PRSS54: variants seen among roughly 807,000 people sequenced by gnomAD.
The protein encoded by PRSS54 is serine protease 54, also known as inactive serine protease 54.
Under a neutral mutation model 19.9 loss-of-function variants are expected in PRSS54, and 16 were observed. The ratio of observed to expected loss-of-function variants is 0.80; its 90% CI spans 0.54 to 1.22. The LOEUF (loss-of-function observed/expected upper bound fraction) is 1.22, where lower values mean the gene tolerates loss of function less well. Ranked by LOEUF, PRSS54 falls within the 50% of genes most tolerant of loss-of-function variation. The pLI, the probability that PRSS54 is intolerant of heterozygous loss-of-function variation, is 0.00. For missense variants in PRSS54, 444 were observed against 494.8 expected (o/e 0.90, Z 0.97); for synonymous variants, 177 against 195.8 (o/e 0.90, Z 0.80).
chr16:58,294,466 T>C (rs1965104172), intron 1 of PRSS54, among the ~76,000 whole-genome samples: 1 of 152,238 alleles, frequency 6.6e-6, no homozygotes, highest in Admixed American at 6.5e-5. Context: ...TTTTCCTGCC[T>C]CAGCTTCCTG....
chr16:58,290,906 C>A, intron 4 of PRSS54, 53 bp downstream of exon 4: 1 of 1,591,288 alleles, frequency 6.3e-7, no homozygotes, highest in Non-Finnish European at 8.6e-7. Flanking sequence ...AACAGGGTCG[C>A]CCCCACCCTC....
chr16:58,290,472 T>C (rs1596908033), intron 4 of PRSS54, among the ~76,000 whole-genome samples: 4 of 152,226 alleles, frequency 2.6e-5, no homozygotes, highest in South Asian at 2.1e-4. Flanking sequence ...ACAGAGAAGC[T>C]AAAAGAAGAA....
intron 3 of PRSS54, among the ~76,000 whole-genome samples, chr16:58,291,973 G>A (rs1438647651): frequency 4.0e-5 from 6 of 151,812 alleles, no homozygotes; most frequent in Non-Finnish European, 4.4e-5. Context: ...TCTGTCGCCC[G>A]GCTGGAGTGC....
At chr16:58,282,442 T>C (rs945634032) in intron 6 of PRSS54, 4 of 152,250 alleles carry the variant, frequency 2.6e-5, no homozygotes, top group Non-Finnish European at 4.4e-5. Context: ...AGTGGGGTAT[T>C]CTCTTTCAAT....
At chr16:58,293,524 C>T in intron 3 of PRSS54, 1 of 985,198 alleles carries the variant, frequency 1.0e-6, no homozygotes, top group African/African-American at 1.7e-5. Context: ...TAAGGATTGG[C>T]CCTGACTTTA....
intron 3 of PRSS54, among the ~76,000 whole-genome samples, chr16:58,292,409 G>A (rs1049401034): frequency 1.3e-5 from 2 of 152,114 alleles, no homozygotes; most frequent in Admixed American, 1.3e-4. Context: ...GAGGGGTCAC[G>A]AATTCTGCCC....
At chr16:58,290,737 A>C (rs1965018394) in intron 4 of PRSS54, among the ~76,000 whole-genome samples, 1 of 152,238 alleles carries the variant, frequency 6.6e-6, no homozygotes, top group African/African-American at 2.4e-5. Flanking sequence ...TGGAGGACTC[A>C]TCATTGCATT....
At chr16:58,291,250 T>C (rs1965034485) in intron 3 of PRSS54, 114 bp from the exon 4 acceptor site, 1 of 962,070 alleles carries the variant, frequency 1.0e-6, no homozygotes, top group Non-Finnish European at 1.5e-6. Flanking sequence ...CTTTTCTTTC[T>C]TTTGCCTAGT....
Position 58,291,000 on chromosome 16 carries a change from G to A in PRSS54, c.222C>T (p.Ser74=), listed in dbSNP as rs780272669. 3 of 1,614,230 alleles carry A rather than the reference G, an allele frequency of 1.9e-6. No individual in the cohort carries two copies. The highest frequency in any genetic ancestry group is 1.1e-5 in the South Asian group (1 of 91,088). ...YTHLAFGCIL[S]EFWVLSIASA... Reference sequence around the variant, plus strand: ...ATGCGATGCTGAGGACCCAGAACTCGCTCAGGATGCAGCCGAAAGCCAGGT... The same window carrying A: ...ATGCGATGCTGAGGACCCAGAACTCACTCAGGATGCAGCCGAAAGCCAGGT... Residue 74 remains serine (S), a synonymous_variant, in exon 4 of 7, where the codon AGC becomes AGT. Coordinates refer to ENST00000567164, the MANE Select transcript of PRSS54 (RefSeq NM_001305173.2).
intron 5 of PRSS54, among the ~76,000 whole-genome samples, 184 bp from the exon 6 acceptor site, chr16:58,284,905 T>C (rs1229301866): frequency 6.6e-6 from 1 of 151,948 alleles, no homozygotes; most frequent in Non-Finnish European, 1.5e-5. Flanking sequence ...ACTTCTGCCT[T>C]TCGGGTTCAA....
Position 58,284,652 on chromosome 16 carries a change from A to G in PRSS54, c.592T>C (p.Tyr198His), listed in dbSNP as rs147993353. 7 of 1,613,900 alleles carry G rather than the reference A, an allele frequency of 4.3e-6. No individual in the cohort carries two copies. The African/African-American group carries it at 5.3e-5, about 12-fold the overall frequency. The change falls in exon 6 of 7, where the codon TAC becomes CAC. Residue 198 changes from tyrosine to histidine, a missense_variant. Coordinates refer to ENST00000567164, the MANE Select transcript of PRSS54 (RefSeq NM_001305173.2). ...CCGCATTCTGTCTTCTGGAGTTTGT[A>G]TAGGGGACACATGTCAAGATCTTTC... ...FVKDLDMCPLYKLQKTECGSH... is the reference protein window; with the variant it reads ...FVKDLDMCPLHKLQKTECGSH...
chr16:58,291,504 C>G (rs1291812308), intron 3 of PRSS54, among the ~76,000 whole-genome samples: 2 of 151,818 alleles, frequency 1.3e-5, no homozygotes, highest in Non-Finnish European at 2.9e-5. Flanking sequence ...TTTTTTGAGA[C>G]AGGATCTCAC....
At chr16:58,284,787 TC>T (rs1429893755) in intron 5 of PRSS54, 66 bp from the exon 6 acceptor site, 3 of 1,577,778 alleles carry the variant, frequency 1.9e-6, no homozygotes, top group Non-Finnish European at 2.6e-6. Flanking sequence ...TCAACACAAC[TC>T]CCACTCATAT....
intron 2 of PRSS54, 65 bp downstream of exon 2, chr16:58,293,920 C>T: frequency 2.0e-6 from 2 of 1,003,892 alleles, no homozygotes; most frequent in Non-Finnish European, 3.0e-6. Flanking sequence ...ACACATGTTC[C>T]CTCCCAAACA....
chr16:58,289,303 A>C (rs1315748878), intron 4 of PRSS54, among the ~76,000 whole-genome samples: 2 of 152,212 alleles, frequency 1.3e-5, no homozygotes, highest in Non-Finnish European at 2.9e-5. Flanking sequence ...TCTGTTGTTT[A>C]AGCCACCCAG....
At chr16:58,291,684 A>G (rs939187937) in intron 3 of PRSS54, among the ~76,000 whole-genome samples, 4 of 151,942 alleles carry the variant, frequency 2.6e-5, no homozygotes, top group Admixed American at 2.6e-4. Context: ...AGGTCTTGCT[A>G]TGTTCCCAGG....
At chr16:58,291,600 G>C (rs1157845964) in intron 3 of PRSS54, among the ~76,000 whole-genome samples, 2 of 152,070 alleles carry the variant, frequency 1.3e-5, no homozygotes, top group African/African-American at 4.8e-5. Context: ...TCCTGCCTCA[G>C]CCTCTGGAGT....
chr16:58,285,744 A>G lies in PRSS54; in HGVS notation c.522+193T>C, dbSNP rs1820243. Reference sequence around the variant, plus strand: ...GTCTCAAAAAAAAAAAAAAAAAAAAAAAGAAGAAGAAGAAGAAGAGTGGCT... The same window carrying G: ...GTCTCAAAAAAAAAAAAAAAAAAAAGAAGAAGAAGAAGAAGAAGAGTGGCT... On this transcript the variant is annotated intron_variant, in intron 5 of 6. Transcript: ENST00000567164. 2.5e-3 allele frequency among the ~76,000 whole-genome samples: 193 copies of G among 77,350 alleles called. 1 individual carries two copies. The highest frequency in any genetic ancestry group is 9.6e-3 in the African/African-American group (134 of 13,988). The allele number at this position is 77,350 out of a possible 152,430, so 50.7% of individuals were successfully genotyped here.
intron 6 of PRSS54, 152 bp from the exon 7 acceptor site, chr16:58,280,909 C>T: frequency 1.5e-6 from 1 of 658,990 alleles, no homozygotes; most frequent in East Asian, 2.7e-5. Flanking sequence ...CAAATCTAGG[C>T]AGCCACCACC....
Sources: allele counts gnomAD v4.1 joint callset (sites outside exome capture counted in the v4.1 genomes callset), GRCh38; gene constraint gnomAD v4.1.1; transcripts MANE v1.5; gene names NCBI Gene and HGNC (gene_info 2026-07-23, HGNC 2026-07-21).